Variants in SELENOT observed in about 807,000 individuals in gnomAD.
The protein encoded by SELENOT is selenoprotein T, also known as thioredoxin reductase-like selenoprotein T.
In SELENOT, 9 loss-of-function variants were observed where a neutral mutation model predicts 24.3. The observed-to-expected ratio is 0.37, with a 90% CI of 0.22 to 0.65. The LOEUF is 0.65. SELENOT is among the 30% of genes least tolerant of loss of function. The pLI is 0.60. For synonymous variants in SELENOT, 81 were observed against 86.0 expected (o/e 0.94, Z 0.32); for missense variants, 166 against 247.6 (o/e 0.67, Z 2.21).
chr3:150,606,406 C>T (rs1725963084), intron 1 of SELENOT, among the ~76,000 whole-genome samples: 2 of 152,006 alleles, frequency 1.3e-5, no homozygotes, highest in Admixed American at 1.3e-4. Context: ...AAAGATGTGA[C>T]CATCTCAAGA....
chr3:150,626,045 A>G (rs769217494), intron 4 of SELENOT, among the ~76,000 whole-genome samples: 1 of 151,786 alleles, frequency 6.6e-6, no homozygotes, highest in Non-Finnish European at 1.5e-5. Flanking sequence ...AATTTTTTGT[A>G]TTTTTAGTAG....
chr3:150,614,582 A>C (rs958846925), intron 1 of SELENOT: 1 of 154,844 alleles, frequency 6.5e-6, no homozygotes, highest in African/African-American at 2.4e-5. Flanking sequence ...TGGTTAGTTC[A>C]GCTAGGAAGA....
intron 1 of SELENOT, among the ~76,000 whole-genome samples, chr3:150,607,809 T>C (rs777926050): frequency 6.6e-5 from 10 of 152,138 alleles, no homozygotes; most frequent in Non-Finnish European, 1.2e-4. Flanking sequence ...CTCAGAGACC[T>C]AAAAGAAGGT....
intron 1 of SELENOT, among the ~76,000 whole-genome samples, chr3:150,617,010 T>C (rs1462629753): frequency 1.3e-5 from 2 of 152,164 alleles, no homozygotes; most frequent in Non-Finnish European, 2.9e-5. Context: ...GCTGAACTGA[T>C]TGGAGGAAGG....
At chr3:150,626,854 C>A (rs1016811933) in intron 4 of SELENOT, 156 bp from the exon 5 acceptor site, 2 of 631,160 alleles carry the variant, frequency 3.2e-6, no homozygotes, top group African/African-American at 1.9e-5. Context: ...TGACATTTCC[C>A]CTACTGGAAT....
intron 1 of SELENOT, among the ~76,000 whole-genome samples, chr3:150,615,678 C>T (rs1464090634): frequency 3.3e-5 from 5 of 152,070 alleles, no homozygotes; most frequent in Non-Finnish European, 7.4e-5. Flanking sequence ...AACTACAAAC[C>T]ACTGCTCAAG....
Position 150,611,660 on chromosome 3 carries a change from G to A in SELENOT, c.137+8161G>A, listed in dbSNP as rs868560736. On this transcript the variant is annotated intron_variant, in intron 1 of 5. Coordinates refer to ENST00000471696, the MANE Select transcript of SELENOT (RefSeq NM_016275.5). ...GGGATATGCTCTTCTGGATCCTCTT[G>A]CTGAAGCTGGCGTTGCCTGCTGCCC... 8.3e-5 allele frequency: 132 copies of A among 1,599,308 alleles called. No individual in the cohort carries two copies. The Middle Eastern group carries it at 1.7e-3, about 20-fold the overall frequency.
intron 1 of SELENOT, among the ~76,000 whole-genome samples, chr3:150,612,186 C>T (rs553467893): frequency 1.3e-5 from 2 of 152,158 alleles, no homozygotes; most frequent in South Asian, 2.1e-4. Flanking sequence ...CTCCGCCTCC[C>T]GGCTCAAGCT....
intron 1 of SELENOT, among the ~76,000 whole-genome samples, chr3:150,619,727 A>G (rs1459418590): frequency 6.6e-6 from 1 of 152,216 alleles, no homozygotes; most frequent in Non-Finnish European, 1.5e-5. Flanking sequence ...GTGAGATGGT[A>G]GAGGTGATGG....
chr3:150,603,562 C>G, intron 1 of SELENOT, 63 bp downstream of exon 1: 1 of 1,488,182 alleles, frequency 6.7e-7, no homozygotes, highest in Non-Finnish European at 9.0e-7. Flanking sequence ...ATTGGCTACG[C>G]GAGGCCCCGG....
intron 2 of SELENOT, 58 bp from the exon 3 acceptor site, chr3:150,622,985 T>G: frequency 7.0e-7 from 1 of 1,422,262 alleles, no homozygotes; most frequent in Non-Finnish European, 9.3e-7. Context: ...AATTACTAAA[T>G]TTTAAAGTAG....
Position 150,622,370 on chromosome 3 carries a change from C to T in SELENOT, c.138-15C>T, listed in dbSNP as rs1371731040. 4 of 1,302,082 alleles carry T rather than the reference C, an allele frequency of 3.1e-6. No homozygotes were observed. The African/African-American group carries it at 4.5e-5, about 15-fold the overall frequency. The allele number at this position is 1,302,082 out of a possible 1,614,324, so 80.7% of individuals were successfully genotyped here. ...TATGCTAAATGACTTAATGGAAACA[C>T]TTATTTTTCTGCAGTGTTTCCTGAG... On this transcript the variant is annotated splice_polypyrimidine_tract_variant and intron_variant, in intron 1 of 5. Transcript: ENST00000471696.
intron 4 of SELENOT, among the ~76,000 whole-genome samples, chr3:150,625,995 G>C (rs1246161464): frequency 1.3e-5 from 2 of 151,262 alleles, no homozygotes; most frequent in African/African-American, 4.9e-5. Context: ...TCAGCCTCCT[G>C]CGTAGCTGGG....
rs1373445867 is a variant in SELENOT, at chr3:150,629,292, A to G, written c.*1663A>G. The G allele has an allele frequency of 3.3e-5, 5 of 152,596 alleles. No homozygotes were observed. The highest frequency in any genetic ancestry group is 7.4e-5 in the Non-Finnish European group (5 of 68,024). The allele number at this position is 152,596 out of a possible 1,614,324, so 9.5% of individuals were successfully genotyped here. A position where few individuals can be genotyped will look rare whatever the true frequency, so the allele number is the denominator to read the frequency against. ...CTTTTAATTAAGAGTGTGGAGTCATAAACTTAAGTTCTTCATATAGTGACA... is the reference window on the plus strand; with the variant it reads ...CTTTTAATTAAGAGTGTGGAGTCATGAACTTAAGTTCTTCATATAGTGACA... On this transcript the variant is annotated 3_prime_UTR_variant, in exon 6 of 6. Transcript: ENST00000471696.
rs1260202542 is a variant in SELENOT at position 150,629,274 on chromosome 3, T to G, written c.*1645T>G. 6.6e-6 allele frequency: 1 copy of G among 152,554 alleles called. No homozygotes were observed. Among genetic ancestry groups the G allele is most frequent in the African/African-American group, 2.4e-5 (1 of 41,454 alleles). 9.5% of individuals were successfully genotyped at this position (152,554 alleles called of 1,614,324 possible). On this transcript the variant is annotated 3_prime_UTR_variant, in exon 6 of 6. Coordinates refer to ENST00000471696, the MANE Select transcript of SELENOT (RefSeq NM_016275.5). ...ATTGATTAAGTGGCTGTCCTTTTAA[T>G]TAAGAGTGTGGAGTCATAAACTTAA...
intron 1 of SELENOT, among the ~76,000 whole-genome samples, chr3:150,620,207 T>C (rs1467484491): frequency 4.6e-5 from 7 of 152,174 alleles, no homozygotes; most frequent in African/African-American, 1.7e-4. Context: ...GTTGAGTCTC[T>C]TAGGGTTTCC....
intron 1 of SELENOT, among the ~76,000 whole-genome samples, chr3:150,606,640 T>C (rs942972692): frequency 6.6e-6 from 1 of 152,216 alleles, no homozygotes; most frequent in Non-Finnish European, 1.5e-5. Context: ...TTGCCCAAGC[T>C]AGAGTGCAGT....
intron 4 of SELENOT, among the ~76,000 whole-genome samples, 189 bp downstream of exon 4, chr3:150,625,088 C>A (rs1261915750): frequency 6.6e-6 from 1 of 150,616 alleles, no homozygotes; most frequent in Admixed American, 6.6e-5. Context: ...TTAATTTGCT[C>A]CCTCAACTTA....
rs759636879 is a variant in SELENOT, at chr3:150,627,731, G to T, written c.*102G>T. ...CTGTACTGAAGACAGCAAGCTGTTA[G>T]TACAGACCAGATGCTTTCTTGGCAG... On this transcript the variant is annotated 3_prime_UTR_variant, in exon 6 of 6. Coordinates refer to ENST00000471696, the MANE Select transcript of SELENOT (RefSeq NM_016275.5). The T allele has an allele frequency of 6.5e-6, 1 of 152,680 alleles. No individual in the cohort carries two copies. Among genetic ancestry groups the T allele is most frequent in the Non-Finnish European group, 1.5e-5 (1 of 68,056 alleles). The allele number at this position is 152,680 out of a possible 1,614,324, so 9.5% of individuals were successfully genotyped here.
Sources: gnomAD v4.1 joint callset for allele counts (sites outside exome capture counted in the v4.1 genomes callset) on GRCh38, gnomAD v4.1.1 for gene constraint, MANE v1.5 for transcripts, NCBI Gene and HGNC (gene_info 2026-07-23, HGNC 2026-07-21) for gene names.